The following AARSD1 variants were observed in gnomAD, a reference collection of about 807,000 sequenced individuals.
The protein encoded by AARSD1 is alanyl-tRNA synthetase domain containing 1, also known as alanyl-tRNA editing protein Aarsd1.
A neutral mutation model predicts 48.7 loss-of-function variants in AARSD1; 44 were observed. That is an observed-to-expected ratio of 0.90 (90% CI 0.71 to 1.16). The LOEUF (loss-of-function observed/expected upper bound fraction) is 1.16, where lower values mean the gene tolerates loss of function less well. Ranked by LOEUF, AARSD1 falls within the 50% of genes most tolerant of loss-of-function variation. The pLI, the probability that AARSD1 is intolerant of heterozygous loss-of-function variation, is 0.00. For missense variants in AARSD1, 511 were observed against 523.1 expected (o/e 0.98, Z 0.23); for synonymous variants, 189 against 194.9 (o/e 0.97, Z 0.25).
At position 42,964,059 on chromosome 17, in the gene AARSD1, G is replaced by C. The variant is rs199820348; in HGVS notation, c.171+47C>G. The C allele has an allele frequency of 1.8e-4, 289 of 1,611,804 alleles. No individual in the cohort carries two copies. In the Middle Eastern group the frequency reaches 2.1e-3, roughly 12 times the overall value. On this transcript the variant is annotated intron_variant, in intron 2 of 11. Transcript: ENST00000427569. ...AAGGGGCAGGAGAGCATTTCGGCCT[G>C]AGCACAAAGAAACTGGGGGCTTCCT...
chr17:42,950,707 G>A lies in AARSD1; in HGVS notation c.1125C>T (p.Gly375=), dbSNP rs1362033154. ...LGPRVAEVLE[G]KGAGKKGRFQ... ...AACGGCCTTTCTTCCCTGCTCCTTTGCCTTCCAGGACCTCAGCCACCCTGG... is the reference window on the plus strand; with the variant it reads ...AACGGCCTTTCTTCCCTGCTCCTTTACCTTCCAGGACCTCAGCCACCCTGG... The change falls in exon 12 of 12, where the codon GGC becomes GGT. Residue 375 remains glycine (G), a synonymous_variant. Coordinates refer to ENST00000427569, the MANE Select transcript of AARSD1 (RefSeq NM_001261434.2). The A allele has an allele frequency of 6.2e-7, 1 of 1,613,460 alleles. No individual in the cohort carries two copies. The highest frequency in any genetic ancestry group is 8.5e-7 in the Non-Finnish European group (1 of 1,179,964).
intron 10 of AARSD1, among the ~76,000 whole-genome samples, chr17:42,953,470 C>G (rs2049506240): frequency 1.3e-5 from 2 of 152,160 alleles, no homozygotes; most frequent in Non-Finnish European, 2.9e-5. Context: ...CTTTGAGGAG[C>G]TAGAGCTCTG....
chr17:42,963,967 TACTC>T, intron 2 of AARSD1, 135 bp downstream of exon 2: 1 of 1,439,026 alleles, frequency 6.9e-7, no homozygotes, highest in Non-Finnish European at 9.3e-7. Context: ...TGCTGATAAA[TACTC>T]ATTAAATGAA....
chr17:42,961,039 T>G (rs1185814301), intron 3 of AARSD1, 153 bp downstream of exon 3: 2 of 1,286,478 alleles, frequency 1.6e-6, no homozygotes, highest in African/African-American at 3.0e-5. Context: ...TGTTATAACA[T>G]TTAGGATATC....
chr17:42,950,812 G>T, intron 11 of AARSD1, 84 bp from the exon 12 acceptor site: 3 of 1,524,458 alleles, frequency 2.0e-6, no homozygotes, highest in South Asian at 1.3e-5. Flanking sequence ...TTTTTCCAGG[G>T]ACTGGGAGAG....
chr17:42,951,921 T>C (rs534720), intron 10 of AARSD1, 27 bp from the exon 11 acceptor site: 1,611,136 of 1,612,740 alleles, frequency 1, 804,778 homozygotes, highest in East Asian at 1. Context: ...GGAGATAAGC[T>C]CTGATACTGA....
chr17:42,951,937 G>A lies in AARSD1; in HGVS notation c.1009-43C>T, dbSNP rs1478061357. ...GAGATAAGCTCTGATACTGAAGGAT[G>A]TAGAGTCAACCCCCCAAATCCTGCA... On this transcript the variant is annotated intron_variant, in intron 10 of 11. Transcript: ENST00000427569. 6 of 1,603,414 alleles carry A rather than the reference G, an allele frequency of 3.7e-6. No individual in the cohort carries two copies. The African/African-American group carries it at 8.0e-5, about 21-fold the overall frequency.
At chr17:42,954,794 C>A in intron 9 of AARSD1, 82 bp downstream of exon 9, 1 of 1,442,044 alleles carries the variant, frequency 6.9e-7, no homozygotes, top group Non-Finnish European at 9.7e-7. Flanking sequence ...CCACCTCCCA[C>A]TGTACATTGC....
intron 9 of AARSD1, 32 bp from the exon 10 acceptor site, chr17:42,953,810 G>A: frequency 6.2e-7 from 1 of 1,614,026 alleles, no homozygotes; most frequent in Non-Finnish European, 8.5e-7. Context: ...TGAGACCCAG[G>A]TTGGAGTGGT....
At chr17:42,955,369 T>C (rs1172026844) in intron 7 of AARSD1, 145 bp from the exon 8 acceptor site, 6 of 919,932 alleles carry the variant, frequency 6.5e-6, no homozygotes, top group Non-Finnish European at 8.0e-6. Context: ...CTTAGGCAAC[T>C]GGGAGAAAAC....
At chr17:42,958,449 A>G (rs542186696) in intron 3 of AARSD1, among the ~76,000 whole-genome samples, 1 of 151,990 alleles carries the variant, frequency 6.6e-6, no homozygotes, top group East Asian at 1.9e-4. Flanking sequence ...CCAAGATTGC[A>G]CCACGGCACT....
At chr17:42,952,142 A>C (rs2049488272) in intron 10 of AARSD1, 1 of 499,604 alleles carries the variant, frequency 2.0e-6, no homozygotes, top group South Asian at 2.5e-5. Context: ...CTGGCTAAGC[A>C]GAAAATGCCT....
At position 42,953,712 on chromosome 17, in the gene AARSD1, T is replaced by G; in HGVS notation, c.1008+12A>C. Reference sequence around the variant, plus strand: ...ATCCAGGCCGGGGTAGAGAATCTCATGCTCCTCTTACCTCTGACCCAATCT... The same window carrying G: ...ATCCAGGCCGGGGTAGAGAATCTCAGGCTCCTCTTACCTCTGACCCAATCT... On this transcript the variant is annotated intron_variant, in intron 10 of 11. Transcript: ENST00000427569. 1 of 1,614,150 alleles carries G rather than the reference T, an allele frequency of 6.2e-7. No homozygotes were observed.
intron 10 of AARSD1, 23 bp from the exon 11 acceptor site, chr17:42,951,917 A>G: frequency 1.2e-6 from 2 of 1,611,838 alleles, no homozygotes; most frequent in East Asian, 4.5e-5. Context: ...ACAAGGAGAT[A>G]AGCTCTGATA....
At chr17:42,964,045 G>A (rs1330749042) in intron 2 of AARSD1, 61 bp downstream of exon 2, 5 of 1,606,256 alleles carry the variant, frequency 3.1e-6, no homozygotes, top group Admixed American at 1.7e-5. Flanking sequence ...AGGGGCAGGA[G>A]AGCATTTCGG....
chr17:42,955,091 G>T, intron 8 of AARSD1, 67 bp downstream of exon 8: 1 of 1,612,840 alleles, frequency 6.2e-7, no homozygotes, highest in South Asian at 1.1e-5. Context: ...TTAGGCAGAA[G>T]ACCAAGTCTG....
In AARSD1 at chr17:42,950,681, A is replaced by G. The variant is rs779560143; in HGVS notation, c.1151T>C (p.Phe384Ser). Residue 384 changes from phenylalanine (F) to serine (S), a missense_variant, in exon 12 of 12, where the codon TTT (phenylalanine) becomes TCT (serine). Phe to Ser is a radical substitution (Grantham distance 155). Coordinates refer to ENST00000427569, the MANE Select transcript of AARSD1 (RefSeq NM_001261434.2). ...EGKGAGKKGR[F>S]QGKATKMSRR... is the part of the protein sequence containing the mutation. Reference sequence around the variant, plus strand: ...GCTCATCTTGGTGGCCTTGCCCTGAAAACGGCCTTTCTTCCCTGCTCCTTT... The same window carrying G: ...GCTCATCTTGGTGGCCTTGCCCTGAGAACGGCCTTTCTTCCCTGCTCCTTT... 7.4e-6 allele frequency: 12 copies of G among 1,613,960 alleles called. No individual in the cohort carries two copies. The highest frequency in any genetic ancestry group is 1.0e-5 in the Non-Finnish European group (12 of 1,179,974).
chr17:42,953,633 G>A, intron 10 of AARSD1, 91 bp downstream of exon 10: 1 of 1,537,850 alleles, frequency 6.5e-7, no homozygotes, highest in African/African-American at 1.4e-5. Context: ...ATGTGTTCAT[G>A]TGGAGGGACT....
chr17:42,953,884 A>G (rs953838390), intron 9 of AARSD1, 106 bp from the exon 10 acceptor site: 1 of 1,372,386 alleles, frequency 7.3e-7, no homozygotes. Flanking sequence ...CTATGTACAC[A>G]TAAAGTCCCA....
Sources: gnomAD v4.1 joint callset for allele counts (sites outside exome capture counted in the v4.1 genomes callset) on GRCh38, gnomAD v4.1.1 for gene constraint, MANE v1.5 for transcripts, NCBI Gene and HGNC (gene_info 2026-07-23, HGNC 2026-07-21) for gene names.